CHCHD6: variants seen among roughly 807,000 people sequenced by gnomAD.
The protein encoded by CHCHD6 is coiled-coil-helix-coiled-coil-helix domain containing 6, also known as MICOS complex subunit MIC25.
CHCHD6 carries 28 observed loss-of-function variants against 32.3 expected under a neutral mutation model. The observed-to-expected ratio is 0.87, with a 90% CI of 0.64 to 1.19. The LOEUF (loss-of-function observed/expected upper bound fraction) is 1.19. Among genes scored for constraint, CHCHD6 ranks in the 50% most tolerant of loss-of-function variants. The pLI, the probability that CHCHD6 is intolerant of heterozygous loss-of-function variation, is 0.00. For missense variants in CHCHD6, 333 were observed against 307.0 expected (o/e 1.08, Z -0.63); for synonymous variants, 122 against 117.5 (o/e 1.04, Z -0.25).
At chr3:126,781,194 G>C (rs755781837) in intron 4 of CHCHD6, among the ~76,000 whole-genome samples, 2 of 152,180 alleles carry the variant, frequency 1.3e-5, no homozygotes, top group Non-Finnish European at 1.5e-5. Context: ...AGGAAGGTAG[G>C]AGCTTTAGAG....
chr3:126,888,844 G>C (rs2077714158), intron 5 of CHCHD6, among the ~76,000 whole-genome samples: 1 of 152,226 alleles, frequency 6.6e-6, no homozygotes, highest in African/African-American at 2.4e-5. Context: ...AGCTGACCAT[G>C]AGGGTCCCCT....
At chr3:126,859,835 A>C (rs1464500709) in intron 5 of CHCHD6, among the ~76,000 whole-genome samples, 1 of 152,160 alleles carries the variant, frequency 6.6e-6, no homozygotes, top group Non-Finnish European at 1.5e-5. Flanking sequence ...GGCAGTGCCA[A>C]ATGCTGCCTG....
At chr3:126,707,712 G>A (rs368520689) in intron 1 of CHCHD6, among the ~76,000 whole-genome samples, 10 of 152,272 alleles carry the variant, frequency 6.6e-5, no homozygotes, top group South Asian at 4.2e-4. Context: ...CAACTTTACC[G>A]TCATGCATTG....
At chr3:126,791,465 C>T (rs910981883) in intron 4 of CHCHD6, among the ~76,000 whole-genome samples, 2 of 152,262 alleles carry the variant, frequency 1.3e-5, no homozygotes, top group Non-Finnish European at 2.9e-5. Context: ...CTGCAGTGGG[C>T]TCCACCCAGT....
intron 3 of CHCHD6, among the ~76,000 whole-genome samples, chr3:126,732,797 A>C (rs901482894): frequency 2.6e-5 from 4 of 152,192 alleles, no homozygotes; most frequent in Non-Finnish European, 5.9e-5. Flanking sequence ...CTCACTGGGC[A>C]TGGGGCTGCC....
At chr3:126,859,019 G>C (rs1041071228) in intron 5 of CHCHD6, among the ~76,000 whole-genome samples, 6 of 152,244 alleles carry the variant, frequency 3.9e-5, no homozygotes, top group African/African-American at 1.4e-4. Flanking sequence ...GCCTGTGGCT[G>C]TCTGCTCTGC....
chr3:126,857,976 G>T (rs1225566040), intron 5 of CHCHD6, among the ~76,000 whole-genome samples: 1 of 148,864 alleles, frequency 6.7e-6, no homozygotes, highest in African/African-American at 2.4e-5. Flanking sequence ...TGTGCCCCCA[G>T]GTTCACCAGA....
At chr3:126,957,751 T>C in intron 7 of CHCHD6, 200 bp downstream of exon 7, 6 of 671,374 alleles carry the variant, frequency 8.9e-6, no homozygotes, top group Middle Eastern at 2.5e-4. Context: ...CAGGAGCGCC[T>C]TGGACATCTG....
chr3:126,745,263 G>A (rs759121590), intron 4 of CHCHD6, among the ~76,000 whole-genome samples: 12 of 152,192 alleles, frequency 7.9e-5, no homozygotes, highest in Non-Finnish European at 1.3e-4. Flanking sequence ...TAGCCTTGTG[G>A]CTTAGCGAAG....
At chr3:126,898,210 G>GT in intron 5 of CHCHD6, among the ~76,000 whole-genome samples, 1 of 152,346 alleles carries the variant, frequency 6.6e-6, no homozygotes, top group Admixed American at 6.5e-5. Flanking sequence ...TGGGAACGAG[G>GT]TCCCCCTGCT....
At chr3:126,801,497 C>G (rs1029931792) in intron 4 of CHCHD6, among the ~76,000 whole-genome samples, 12 of 152,320 alleles carry the variant, frequency 7.9e-5, no homozygotes, top group Non-Finnish European at 1.5e-4. Context: ...AAGGCGGCAG[C>G]GAAGCTAGGG....
At chr3:126,810,524 A>G (rs566530279) in intron 4 of CHCHD6, among the ~76,000 whole-genome samples, 1 of 152,342 alleles carries the variant, frequency 6.6e-6, no homozygotes, top group East Asian at 1.9e-4. Flanking sequence ...TAAACTTTAA[A>G]AACTAATGAG....
At chr3:126,913,306 T>G (rs1428916950) in intron 5 of CHCHD6, among the ~76,000 whole-genome samples, 1 of 134,770 alleles carries the variant, frequency 7.4e-6, no homozygotes, top group Non-Finnish European at 1.5e-5. Context: ...CTCGGCTTAC[T>G]GTAACCTCCA....
At chr3:126,919,327 TTTTTTTGA>T in intron 6 of CHCHD6, among the ~76,000 whole-genome samples, 1 of 136,894 alleles carries the variant, frequency 7.3e-6, no homozygotes. Context: ...CTTTTTTTTT[TTTTTTTGA>T]GACAAGGTCT....
chr3:126,852,629 T>G lies in CHCHD6; in HGVS notation c.412-18T>G. The G allele has an allele frequency of 6.2e-7, 1 of 1,608,142 alleles. No individual in the cohort carries two copies. The highest frequency in any genetic ancestry group is 8.5e-7 in the Non-Finnish European group (1 of 1,174,816). On this transcript the variant is annotated intron_variant, in intron 4 of 7. Coordinates refer to ENST00000290913, the MANE Select transcript of CHCHD6 (RefSeq NM_032343.3). ...CCATCGCTGCTGGCTAACGTGGGCT[T>G]TGTTCTCTTCCAAGCAGGCCAGGGA...
rs566433789 is a variant in CHCHD6, at chr3:126,714,056, G to A, written c.87+9657G>A. Among the ~76,000 whole-genome samples, 896 of 115,582 alleles carry A rather than the reference G, an allele frequency of 7.8e-3. 10 individuals are homozygous for A. Among genetic ancestry groups the A allele is most frequent in the African/African-American group, 0.027 (764 of 28,242 alleles). 75.8% of individuals were successfully genotyped at this position (115,582 alleles called of 152,430 possible). ...CGCACCACTGCACTCCAGCCTGGGC[G>A]ACAGAGCCAGACTGCATCTCAAAAA... is the stretch of plus-strand genomic sequence containing the variant. On this transcript the variant is annotated intron_variant, in intron 1 of 7. Coordinates refer to ENST00000290913, the MANE Select transcript of CHCHD6 (RefSeq NM_032343.3).
chr3:126,914,746 A>G lies in CHCHD6; in HGVS notation c.562A>G (p.Ile188Val), dbSNP rs1392720959. The G allele has an allele frequency of 1.3e-6, 2 of 1,550,814 alleles. No individual in the cohort carries two copies. Among genetic ancestry groups the G allele is most frequent in the Non-Finnish European group, 1.8e-6 (2 of 1,122,230 alleles). The stretch of plus-strand genomic sequence containing the variant: ...GGCAGCCTCAAAGATGGAGAGCACA[A>G]TAAAGTAAGAATTTGTTTATTATTC... ...HEAASKMEST[I>V]KPRRVEPVCS... The change falls in exon 6 of 8, where the codon ATA becomes GTA. Residue 188 changes from isoleucine to valine, a missense_variant. Transcript: ENST00000290913.
intron 4 of CHCHD6, among the ~76,000 whole-genome samples, chr3:126,773,519 TA>T (rs1428685316): frequency 6.6e-6 from 1 of 152,204 alleles, no homozygotes; most frequent in African/African-American, 2.4e-5. Context: ...CCTTTTTCTT[TA>T]TTCAGCATTC....
intron 4 of CHCHD6, among the ~76,000 whole-genome samples, chr3:126,761,492 C>T: frequency 6.6e-6 from 1 of 152,216 alleles, no homozygotes; most frequent in East Asian, 1.9e-4. Context: ...TTCTGCACAT[C>T]ATAGCTAACT....
Sources: allele counts gnomAD v4.1 joint callset (sites outside exome capture counted in the v4.1 genomes callset), GRCh38; gene constraint gnomAD v4.1.1; transcripts MANE v1.5; gene names NCBI Gene and HGNC (gene_info 2026-07-23, HGNC 2026-07-21).